The following NCKAP5 variants were observed in gnomAD, a reference collection of about 807,000 sequenced individuals.
NCKAP5 encodes the protein NCK associated protein 5, also known as nck-associated protein 5.
Under a neutral mutation model 167.0 loss-of-function variants are expected in NCKAP5, and 92 were observed. The observed-to-expected ratio is 0.55, with a 90% CI of 0.47 to 0.66. The LOEUF (loss-of-function observed/expected upper bound fraction) is 0.66. Ranked by LOEUF, NCKAP5 falls within the 30% of genes least tolerant of loss-of-function variation. The pLI is 0.00. For missense variants in NCKAP5, 2,378 were observed against 2,315.0 expected (o/e 1.03, Z -0.56); for synonymous variants, 891 against 877.4 (o/e 1.02, Z -0.27).
the NCKAP5 span, among the ~76,000 whole-genome samples, chr2:133,640,812 T>C: frequency 1.3e-5 from 2 of 152,216 alleles, no homozygotes; most frequent in African/African-American, 4.8e-5. Flanking sequence ...TTCACCTTTA[T>C]TGAAACCAAA....
At chr2:133,360,095 T>A (rs1559415122) in intron 3 of NCKAP5, among the ~76,000 whole-genome samples, 1 of 152,206 alleles carries the variant, frequency 6.6e-6, no homozygotes, top group Non-Finnish European at 1.5e-5. Context: ...GCATGAAATA[T>A]CATGAGACAA....
At chr2:133,009,448 C>G (rs2078077987) in intron 6 of NCKAP5, among the ~76,000 whole-genome samples, 1 of 151,976 alleles carries the variant, frequency 6.6e-6, no homozygotes, top group African/African-American at 2.4e-5. Context: ...TCATTTGAGG[C>G]GTATTAGATG....
intron 11 of NCKAP5, among the ~76,000 whole-genome samples, chr2:132,807,466 C>T (rs540298390): frequency 2.0e-5 from 3 of 151,936 alleles, no homozygotes; most frequent in Non-Finnish European, 4.4e-5. Context: ...CTTGTAGAGG[C>T]CTTTTGACCC....
chr2:133,347,080 T>A (rs1574761893), intron 3 of NCKAP5, among the ~76,000 whole-genome samples: 1 of 152,350 alleles, frequency 6.6e-6, no homozygotes, highest in East Asian at 1.9e-4. Context: ...GTGAAATTAT[T>A]TATGTTAAAA....
At chr2:133,022,934 G>A (rs114845628) in intron 6 of NCKAP5, among the ~76,000 whole-genome samples, 6,802 of 152,260 alleles carry the variant, frequency 0.045, 216 homozygotes, top group Middle Eastern at 0.11. Context: ...AAACTGCCAC[G>A]TTGGAGAGGC....
the NCKAP5 span, among the ~76,000 whole-genome samples, chr2:133,641,548 G>T: frequency 2.0e-5 from 3 of 152,204 alleles, no homozygotes; most frequent in Admixed American, 1.3e-4. Flanking sequence ...CCTGTCCATA[G>T]TCATGTCCTG....
chr2:133,528,911 C>A (rs1036781319), intron 2 of NCKAP5, among the ~76,000 whole-genome samples: 8 of 152,190 alleles, frequency 5.3e-5, no homozygotes. Flanking sequence ...GAGCCCCTTT[C>A]ACATTTGGCT....
intron 5 of NCKAP5, among the ~76,000 whole-genome samples, chr2:133,164,575 A>G (rs2083926154): frequency 6.6e-6 from 1 of 152,214 alleles, no homozygotes; most frequent in East Asian, 1.9e-4. Context: ...ATGAGGTTTT[A>G]AAGATTGTTT....
intron 3 of NCKAP5, among the ~76,000 whole-genome samples, chr2:133,338,430 A>G (rs1055117808): frequency 2.0e-5 from 3 of 152,234 alleles, no homozygotes; most frequent in African/African-American, 7.2e-5. Flanking sequence ...AGGAACCTGA[A>G]TCATGCACCC....
chr2:133,228,688 C>T (rs116283176), intron 4 of NCKAP5, among the ~76,000 whole-genome samples: 15 of 152,128 alleles, frequency 9.9e-5, no homozygotes, highest in Admixed American at 7.2e-4. Context: ...TTAGGAGGCA[C>T]ACAAACAAAT....
chr2:132,814,617 T>C (rs181399925), intron 11 of NCKAP5, among the ~76,000 whole-genome samples: 1 of 152,278 alleles, frequency 6.6e-6, no homozygotes, highest in East Asian at 1.9e-4. Flanking sequence ...GTTTCAGGCA[T>C]ATTAGAGGAA....
At chr2:133,506,284 T>A (rs1288909002) in intron 3 of NCKAP5, among the ~76,000 whole-genome samples, 1 of 152,206 alleles carries the variant, frequency 6.6e-6, no homozygotes. Flanking sequence ...CAAAAATCTA[T>A]TTCAAATAAA....
the NCKAP5 span, among the ~76,000 whole-genome samples, chr2:133,666,261 G>A: frequency 2.2e-4 from 33 of 146,728 alleles, no homozygotes; most frequent in African/African-American, 7.4e-4. Flanking sequence ...GCAGTGGCGC[G>A]ATCTCGGCTC....
chr2:132,912,275 G>T lies in NCKAP5; in HGVS notation c.580-33359C>A, dbSNP rs547996716. Among the ~76,000 whole-genome samples, 7 of 152,276 alleles carry T rather than the reference G, an allele frequency of 4.6e-5. No homozygotes were observed. In the East Asian group the frequency reaches 1.2e-3, roughly 25 times the overall value. On this transcript the variant is annotated intron_variant, in intron 8 of 19. Coordinates refer to ENST00000409261, the MANE Select transcript of NCKAP5 (RefSeq NM_207363.3). ...AAAGTCATCATATGGTCCAGAGGAA[G>T]AAATGCATCCTATCCTAGACTTGGT...
intron 4 of NCKAP5, among the ~76,000 whole-genome samples, chr2:133,257,970 C>T (rs1176788370): frequency 2.0e-5 from 3 of 152,010 alleles, no homozygotes; most frequent in Admixed American, 2.0e-4. Context: ...ATTGTAGATA[C>T]TCCCTCAGCC....
At chr2:132,868,726 A>G (rs915892956) in intron 10 of NCKAP5, among the ~76,000 whole-genome samples, 8 of 152,178 alleles carry the variant, frequency 5.3e-5, no homozygotes, top group African/African-American at 1.9e-4. Context: ...AAGGCTTTCT[A>G]TTATTTTACC....
intron 8 of NCKAP5, among the ~76,000 whole-genome samples, chr2:132,956,827 A>T (rs1289613505): frequency 6.6e-6 from 1 of 152,166 alleles, no homozygotes; most frequent in East Asian, 1.9e-4. Context: ...CTCAACAAGG[A>T]TACCCTTGGA....
At chr2:133,238,012 C>T (rs1333794732) in intron 4 of NCKAP5, among the ~76,000 whole-genome samples, 3 of 152,100 alleles carry the variant, frequency 2.0e-5, no homozygotes, top group Non-Finnish European at 4.4e-5. Flanking sequence ...AAGGAAAGCT[C>T]CACCACTGTG....
At chr2:132,967,166 C>T (rs1006571660) in intron 7 of NCKAP5, among the ~76,000 whole-genome samples, 1 of 43,848 alleles carries the variant, frequency 2.3e-5, no homozygotes, top group South Asian at 7.2e-4. Context: ...CTATCGTACA[C>T]ACACACACAC....
Sources: gnomAD v4.1 joint callset for allele counts (sites outside exome capture counted in the v4.1 genomes callset) on GRCh38, gnomAD v4.1.1 for gene constraint, MANE v1.5 for transcripts, NCBI Gene and HGNC (gene_info 2026-07-23, HGNC 2026-07-21) for gene names.